Variants in ROBO2 observed in about 807,000 individuals in gnomAD.
ROBO2 encodes the protein roundabout homolog 2.
Under a neutral mutation model 160.8 loss-of-function variants are expected in ROBO2, and 53 were observed. The observed-to-expected ratio is 0.33, with a 90% confidence interval of 0.26 to 0.41. The LOEUF (loss-of-function observed/expected upper bound fraction) is 0.41, where lower values mean the gene tolerates loss of function less well. Ranked by LOEUF, ROBO2 falls within the 10% of genes least tolerant of loss-of-function variation. The pLI is 1.00. For missense variants in ROBO2, 1,577 were observed against 1,722.4 expected (o/e 0.92, Z 1.49); for synonymous variants, 664 against 611.7 (o/e 1.09, Z -1.26).
At chr3:77,342,796 A>G (rs148200321) in intron 2 of ROBO2, among the ~76,000 whole-genome samples, 1 of 152,194 alleles carries the variant, frequency 6.6e-6, no homozygotes, top group East Asian at 1.9e-4. Context: ...TTTACCTTAT[A>G]CCTTTATGTA....
rs540979740 is a variant in ROBO2, at chr3:76,596,760, A to T, written c.110-501254A>T. On this transcript the variant is annotated intron_variant, in intron 2 of 26. Coordinates refer to the ROBO2 transcript ENST00000487694. Reference sequence around the variant, plus strand: ...TTTCATAAAAGAGATACAGTCTGCTAACCCATTCACCCTGATGGCCCATTA... The same window carrying T: ...TTTCATAAAAGAGATACAGTCTGCTTACCCATTCACCCTGATGGCCCATTA... Among the ~76,000 whole-genome samples, 707 of 152,242 alleles carry T rather than the reference A, an allele frequency of 4.6e-3. 5 individuals carry two copies. Among genetic ancestry groups the T allele is most frequent in the Non-Finnish European group, 6.9e-3 (466 of 67,986 alleles).
chr3:76,179,157 A>G (rs72630364), intron 2 of ROBO2, among the ~76,000 whole-genome samples: 11,194 of 152,158 alleles, frequency 0.074, 588 homozygotes, highest in East Asian at 0.23. Flanking sequence ...TTAATAATTA[A>G]TAATGAGACA....
chr3:76,102,135 C>T (rs1005452687), intron 2 of ROBO2, among the ~76,000 whole-genome samples: 2 of 152,098 alleles, frequency 1.3e-5, no homozygotes, highest in African/African-American at 2.4e-5. Context: ...GGAGCTGCAT[C>T]GTTTAATGTA....
At chr3:76,689,991 C>T (rs1382612096) in intron 2 of ROBO2, among the ~76,000 whole-genome samples, 1 of 152,094 alleles carries the variant, frequency 6.6e-6, no homozygotes, top group African/African-American at 2.4e-5. Flanking sequence ...AAATTGATTA[C>T]TCCCACAATA....
At chr3:77,240,274 C>T (rs1246406430) in intron 2 of ROBO2, among the ~76,000 whole-genome samples, 4 of 152,136 alleles carry the variant, frequency 2.6e-5, no homozygotes, top group Admixed American at 1.3e-4. Context: ...GAGTGTGGCG[C>T]GGGTGGGCTG....
intron 23 of ROBO2, among the ~76,000 whole-genome samples, chr3:77,623,204 A>G (rs1161396043): frequency 6.6e-6 from 1 of 152,196 alleles, no homozygotes; most frequent in Non-Finnish European, 1.5e-5. Flanking sequence ...ATTCAAATAG[A>G]TATACACTGT....
intron 2 of ROBO2, among the ~76,000 whole-genome samples, chr3:76,758,874 T>G (rs187875378): frequency 4.1e-4 from 63 of 151,974 alleles, no homozygotes; most frequent in African/African-American, 1.5e-3. Flanking sequence ...AAGAGAATGG[T>G]ATGTGTATGT....
chr3:77,057,999 A>G (rs2065929193), intron 1 of ROBO2, among the ~76,000 whole-genome samples: 1 of 152,182 alleles, frequency 6.6e-6, no homozygotes, highest in Admixed American at 6.5e-5. Context: ...TTAAAAAAAA[A>G]GAAAAACATG....
intron 2 of ROBO2, among the ~76,000 whole-genome samples, chr3:76,852,641 A>T (rs1009714662): frequency 2.0e-5 from 3 of 152,174 alleles, no homozygotes; most frequent in African/African-American, 7.2e-5. Flanking sequence ...ACAAGCCCTT[A>T]AAAATAACTG....
At chr3:76,482,564 AACTG>A (rs1322966583) in intron 2 of ROBO2, among the ~76,000 whole-genome samples, 1 of 152,156 alleles carries the variant, frequency 6.6e-6, no homozygotes, top group Non-Finnish European at 1.5e-5. Context: ...AAGGTTAGGT[AACTG>A]ACTAATTTAA....
chr3:76,536,648 C>T (rs2082522074), intron 2 of ROBO2, among the ~76,000 whole-genome samples: 1 of 152,072 alleles, frequency 6.6e-6, no homozygotes, highest in South Asian at 2.1e-4. Context: ...TGCCCTGGTG[C>T]CTTCTTGAAG....
chr3:76,214,487 CT>C (rs1459265466), intron 2 of ROBO2, among the ~76,000 whole-genome samples: 2 of 152,302 alleles, frequency 1.3e-5, no homozygotes, highest in East Asian at 1.9e-4. Context: ...TTCCAATGGG[CT>C]TAACAAACAG....
chr3:77,158,839 G>A (rs1458707441), intron 2 of ROBO2, among the ~76,000 whole-genome samples: 3 of 152,076 alleles, frequency 2.0e-5, no homozygotes, highest in Admixed American at 1.3e-4. Context: ...AATGGGAACT[G>A]ACAAACAACT....
intron 2 of ROBO2, among the ~76,000 whole-genome samples, chr3:76,562,968 C>T (rs189925318): frequency 7.9e-5 from 12 of 152,002 alleles, no homozygotes; most frequent in Admixed American, 7.9e-4. Context: ...TCTTTCTTCT[C>T]CCTTCTTCAT....
At chr3:77,019,494 A>G (rs189420125) in intron 2 of ROBO2, among the ~76,000 whole-genome samples, 20 of 152,302 alleles carry the variant, frequency 1.3e-4, no homozygotes, top group Non-Finnish European at 2.6e-4. Context: ...CTGCCCAGAA[A>G]TAAGTATAAG....
intron 2 of ROBO2, among the ~76,000 whole-genome samples, chr3:77,462,071 T>C (rs930974096): frequency 2.6e-5 from 4 of 152,180 alleles, no homozygotes; most frequent in Non-Finnish European, 5.9e-5. Context: ...AACTTATAAT[T>C]TGAGAGAGAA....
chr3:77,317,629 G>A, intron 2 of ROBO2: 4 of 645,622 alleles, frequency 6.2e-6, no homozygotes, highest in African/African-American at 2.3e-5. Flanking sequence ...AGGTGGCGGC[G>A]GGCTCTGCGG....
intron 2 of ROBO2, among the ~76,000 whole-genome samples, chr3:76,878,977 A>G (rs554604506): frequency 2.4e-4 from 37 of 152,062 alleles, no homozygotes; most frequent in Non-Finnish European, 4.0e-4. Context: ...AAGAATTAAC[A>G]TATTCAACTT....
intron 2 of ROBO2, among the ~76,000 whole-genome samples, chr3:76,739,843 C>T (rs534667767): frequency 6.6e-6 from 1 of 152,236 alleles, no homozygotes; most frequent in East Asian, 1.9e-4. Flanking sequence ...TTACATAAAG[C>T]ATCCTCCTAA....
Sources: gnomAD v4.1 joint callset for allele counts (sites outside exome capture counted in the v4.1 genomes callset) on GRCh38, gnomAD v4.1.1 for gene constraint, MANE v1.5 for transcripts, NCBI Gene and HGNC (gene_info 2026-07-23, HGNC 2026-07-21) for gene names.